The following CDH13 variants were observed in gnomAD, a reference collection of about 807,000 sequenced individuals.
CDH13 encodes cadherin-13.
Under a neutral mutation model 63.8 loss-of-function variants are expected in CDH13, and 24 were observed. That is an observed-to-expected ratio of 0.38 (90% CI 0.27 to 0.53). CDH13 has a LOEUF of 0.53. Among genes scored for constraint, CDH13 ranks in the 20% least tolerant of loss-of-function variants. CDH13 has a pLI of 0.85. For synonymous variants in CDH13, 503 were observed against 355.3 expected (o/e 1.42, Z -4.67); for missense variants, 1,049 against 903.1 (o/e 1.16, Z -2.07).
chr16:83,285,349 G>C (rs75047464), intron 5 of CDH13, among the ~76,000 whole-genome samples: 11,540 of 152,038 alleles, frequency 0.076, 613 homozygotes, highest in Non-Finnish European at 0.11. Flanking sequence ...TCCGGAGGAA[G>C]TAATTATGAG....
At chr16:82,926,133 T>C (rs552859127) in intron 2 of CDH13, 2 of 152,202 alleles carry the variant, frequency 1.3e-5, no homozygotes, top group African/African-American at 4.8e-5. Context: ...TCCTAACTTT[T>C]TCTATAAAGG....
chr16:82,827,707 C>T (rs952743023), intron 1 of CDH13, among the ~76,000 whole-genome samples: 3 of 152,098 alleles, frequency 2.0e-5, no homozygotes, highest in African/African-American at 4.8e-5. Context: ...AAAATGGCTT[C>T]ATAAAGATTC....
At chr16:83,697,568 C>G (rs1905569664) in intron 10 of CDH13, among the ~76,000 whole-genome samples, 1 of 152,212 alleles carries the variant, frequency 6.6e-6, no homozygotes, top group Admixed American at 6.5e-5. Context: ...CAGAAGTGCA[C>G]ATAAGATAAG....
At chr16:83,132,123 A>G (rs931523490) in intron 4 of CDH13, among the ~76,000 whole-genome samples, 2 of 152,100 alleles carry the variant, frequency 1.3e-5, no homozygotes, top group Non-Finnish European at 2.9e-5. Context: ...GTTTTATTCT[A>G]TTTAATAGCC....
chr16:83,093,728 G>T (rs971918021), intron 3 of CDH13, among the ~76,000 whole-genome samples: 1 of 152,164 alleles, frequency 6.6e-6, no homozygotes, highest in Non-Finnish European at 1.5e-5. Flanking sequence ...CTAGGCGCTT[G>T]TACCTCCACT....
intron 5 of CDH13, among the ~76,000 whole-genome samples, chr16:83,241,527 G>C (rs1418407636): frequency 6.6e-6 from 1 of 152,106 alleles, no homozygotes; most frequent in Non-Finnish European, 1.5e-5. Context: ...ACATTTTAAT[G>C]GCTTTGTGCA....
chr16:83,572,190 G>GTGTGTC (rs1904697945), intron 7 of CDH13, among the ~76,000 whole-genome samples: 1 of 151,330 alleles, frequency 6.6e-6, no homozygotes, highest in Admixed American at 6.6e-5. Context: ...GTGTGTGTGT[G>GTGTGTC]TGTGTGTGTG....
At chr16:82,848,661 C>G in intron 1 of CDH13, among the ~76,000 whole-genome samples, 1 of 151,934 alleles carries the variant, frequency 6.6e-6, no homozygotes, top group East Asian at 1.9e-4. Flanking sequence ...GACTGTTCCA[C>G]CAACTGGCCC....
At chr16:83,716,265 A>T (rs1908880432) in intron 10 of CDH13, among the ~76,000 whole-genome samples, 1 of 152,124 alleles carries the variant, frequency 6.6e-6, no homozygotes, top group South Asian at 2.1e-4. Context: ...ACCTACCTTG[A>T]CACGTCATGA....
At chr16:82,679,073 G>C (rs764741182) in intron 1 of CDH13, among the ~76,000 whole-genome samples, 14 of 152,172 alleles carry the variant, frequency 9.2e-5, no homozygotes, top group Non-Finnish European at 1.8e-4. Flanking sequence ...AGAAATGTCT[G>C]TCTCTAGGAC....
At chr16:83,255,879 C>T (rs1347072524) in intron 5 of CDH13, among the ~76,000 whole-genome samples, 2 of 151,990 alleles carry the variant, frequency 1.3e-5, no homozygotes, top group Admixed American at 1.3e-4. Context: ...GAGACAATGT[C>T]AGTAAAATAC....
At chr16:82,988,333 T>C (rs1911215540) in intron 2 of CDH13, among the ~76,000 whole-genome samples, 2 of 152,176 alleles carry the variant, frequency 1.3e-5, no homozygotes, top group Admixed American at 6.5e-5. Context: ...TTGTTTTTTT[T>C]CTTGGCAAAT....
intron 5 of CDH13, among the ~76,000 whole-genome samples, chr16:83,307,056 A>G (rs1015702672): frequency 2.0e-5 from 3 of 152,216 alleles, no homozygotes; most frequent in Admixed American, 1.3e-4. Context: ...GTTCAGCTCC[A>G]CATATAAGCT....
intron 1 of CDH13, among the ~76,000 whole-genome samples, chr16:82,632,857 G>C (rs1908183665): frequency 6.6e-6 from 1 of 152,126 alleles, no homozygotes. Context: ...TCTGCCACTA[G>C]ATGGTCCCAT....
At position 83,565,233 on chromosome 16, in the gene CDH13, C is replaced by G. The variant is rs556113465; in HGVS notation, c.961-37221C>G. ...TTCTCGGTTTCTGGCTATAATTGCCCTCATAGTACCCTGACCCCAGACTCC... is the reference window on the plus strand; with the variant it reads ...TTCTCGGTTTCTGGCTATAATTGCCGTCATAGTACCCTGACCCCAGACTCC... On this transcript the variant is annotated intron_variant, in intron 7 of 13. Transcript: ENST00000567109. 3.2e-3 allele frequency among the ~76,000 whole-genome samples: 485 copies of G among 152,150 alleles called. 2 individuals are homozygous for G. Among genetic ancestry groups the G allele is most frequent in the African/African-American group, 0.011 (453 of 41,502 alleles).
intron 1 of CDH13, among the ~76,000 whole-genome samples, chr16:82,631,442 C>A (rs1341816826): frequency 1.3e-5 from 2 of 152,178 alleles, no homozygotes; most frequent in African/African-American, 4.8e-5. Flanking sequence ...AAGGAAATAT[C>A]CCCCTGTCAT....
intron 10 of CDH13, among the ~76,000 whole-genome samples, chr16:83,715,100 C>A (rs545213811): frequency 6.6e-6 from 1 of 152,214 alleles, no homozygotes; most frequent in Non-Finnish European, 1.5e-5. Context: ...TTCATGCATG[C>A]CTTTGCTCAT....
intron 6 of CDH13, among the ~76,000 whole-genome samples, chr16:83,474,640 A>G (rs1413074051): frequency 6.6e-6 from 1 of 152,220 alleles, no homozygotes; most frequent in African/African-American, 2.4e-5. Context: ...AGGAGGATGT[A>G]GCTTAGAATT....
In CDH13 at chr16:83,114,250, A is replaced by C. The variant is rs375978303; in HGVS notation, c.367-11135A>C. 9.9e-5 allele frequency among the ~76,000 whole-genome samples: 15 copies of C among 152,216 alleles called. No homozygotes were observed. The East Asian group carries it at 2.7e-3, about 27-fold the overall frequency. On this transcript the variant is annotated intron_variant, in intron 3 of 13. Transcript: ENST00000567109. ...TTAATTTTGAGATTGGCCGTCCCCAACGCCTCTGATGTGTGACTTTCATTA... is the reference window on the plus strand; with the variant it reads ...TTAATTTTGAGATTGGCCGTCCCCACCGCCTCTGATGTGTGACTTTCATTA...
Sources: gnomAD v4.1 joint callset for allele counts (sites outside exome capture counted in the v4.1 genomes callset) on GRCh38, gnomAD v4.1.1 for gene constraint, MANE v1.5 for transcripts, NCBI Gene and HGNC (gene_info 2026-07-23, HGNC 2026-07-21) for gene names.